ALOX5: variants seen among roughly 807,000 people sequenced by gnomAD.
The protein encoded by ALOX5 is arachidonate 5-lipoxygenase.
A neutral mutation model predicts 87.9 loss-of-function variants in ALOX5; 64 were observed. The ratio of observed to expected loss-of-function variants is 0.73; its 90% confidence interval spans 0.60 to 0.90. The LOEUF is 0.90. ALOX5 is among the 40% of genes least tolerant of loss of function. The pLI, the probability that ALOX5 is intolerant of heterozygous loss-of-function variation, is 0.00. For synonymous variants in ALOX5, 388 were observed against 355.1 expected (o/e 1.09, Z -1.04); for missense variants, 822 against 907.5 (o/e 0.91, Z 1.21).
Position 45,405,244 on chromosome 10 carries a change from G to A in ALOX5, c.432-6947G>A, listed in dbSNP as rs9282588. On this transcript the variant is annotated intron_variant, in intron 3 of 13. Transcript: ENST00000374391. ...GCATTTTTTCATCTTAAGAAATACC[G>A]ACAAAAATCCTTTCACAAAATTGTA... is the stretch of plus-strand genomic sequence containing the variant. Among the ~76,000 whole-genome samples, 529 of 152,212 alleles carry A rather than the reference G, an allele frequency of 3.5e-3. 2 individuals are homozygous for A. The highest frequency in any genetic ancestry group is 0.012 in the African/African-American group (510 of 41,524).
chr10:45,419,012 T>C (rs1841402009), intron 4 of ALOX5, among the ~76,000 whole-genome samples: 1 of 152,154 alleles, frequency 6.6e-6, no homozygotes, highest in African/African-American at 2.4e-5. Flanking sequence ...CGGGGGCAGC[T>C]CCGGGAAGGG....
At chr10:45,377,180 C>CA (rs1465773890) in intron 1 of ALOX5, among the ~76,000 whole-genome samples, 1 of 152,144 alleles carries the variant, frequency 6.6e-6, no homozygotes, top group African/African-American at 2.4e-5. Flanking sequence ...CTTCTTAAGT[C>CA]AGTGAGTATT....
intron 4 of ALOX5, among the ~76,000 whole-genome samples, chr10:45,415,158 C>CA (rs1841230264): frequency 6.6e-6 from 1 of 152,162 alleles, no homozygotes; most frequent in Non-Finnish European, 1.5e-5. Flanking sequence ...TGGCACTATT[C>CA]ACAATAGCAA....
rs369339657 is a variant in ALOX5, at chr10:45,443,787, T to C, written c.1633T>C (p.Phe545Leu). The change falls in exon 12 of 14, where the codon TTC becomes CTC. Residue 545 changes from phenylalanine to leucine, a missense_variant. Coordinates refer to ENST00000374391, the MANE Select transcript of ALOX5 (RefSeq NM_000698.5). ...QLSEYLTVVI[F>L]TASAQHAAVN... is the part of the protein sequence containing the mutation. ...GTCGGAGTACCTGACCGTGGTGATC[T>C]TCACCGCCTCCGCCCAGCACGCCGC... 9.9e-6 allele frequency: 16 copies of C among 1,611,888 alleles called. No homozygotes were observed. The highest frequency in any genetic ancestry group is 1.4e-5 in the Non-Finnish European group (16 of 1,179,232).
At chr10:45,405,465 C>A (rs1840845999) in intron 3 of ALOX5, among the ~76,000 whole-genome samples, 1 of 152,126 alleles carries the variant, frequency 6.6e-6, no homozygotes, top group Non-Finnish European at 1.5e-5. Flanking sequence ...ATTGTTCTTT[C>A]AATTATTAAT....
chr10:45,423,197 C>T (rs998135844), intron 4 of ALOX5, among the ~76,000 whole-genome samples: 1 of 152,246 alleles, frequency 6.6e-6, no homozygotes, highest in African/African-American at 2.4e-5. Context: ...AGGCCCAAGG[C>T]AAAGGCCTGA....
In ALOX5 at chr10:45,425,243, T is replaced by G. The variant is rs1841664410; in HGVS notation, c.834+111T>G. ...CCAAGACGCTAACTGCAGGCCCATC[T>G]GGCCTACAGCAGCCGCTTCCTTTTC... On this transcript the variant is annotated intron_variant, in intron 6 of 13. Transcript: ENST00000374391. This position sits in a 1 kb window ranked among gnomAD's most constrained non-coding sequence, Gnocchi z 4.4. 5 of 1,328,702 alleles carry G rather than the reference T, an allele frequency of 3.8e-6. No individual in the cohort carries two copies. Among genetic ancestry groups the G allele is most frequent in the Non-Finnish European group, 5.1e-6 (5 of 988,930 alleles). 82.3% of individuals were successfully genotyped at this position (1,328,702 alleles called of 1,614,324 possible).
intron 7 of ALOX5, among the ~76,000 whole-genome samples, chr10:45,432,886 G>A (rs148134554): frequency 3.8e-4 from 58 of 152,206 alleles, no homozygotes; most frequent in Non-Finnish European, 6.3e-4. Flanking sequence ...AGATTAGGGT[G>A]AGTAACCATA....
intron 4 of ALOX5, among the ~76,000 whole-genome samples, chr10:45,417,184 C>G (rs1476822480): frequency 6.6e-6 from 1 of 152,058 alleles, no homozygotes; most frequent in East Asian, 1.9e-4. Flanking sequence ...GTTTAATGAG[C>G]ACCTATCCTG....
rs76798749 is a variant in ALOX5, at chr10:45,434,938, G to A, written c.982-5492G>A. On this transcript the variant is annotated intron_variant, in intron 7 of 13. Coordinates refer to ENST00000374391, the MANE Select transcript of ALOX5 (RefSeq NM_000698.5). ...TCTCAGGCTCTCCTGTCATGACTCA[G>A]ATTTCTTTTTACGATAAGCACATAT... Among the ~76,000 whole-genome samples, 1,517 of 152,346 alleles carry A rather than the reference G, an allele frequency of 1.0e-2. 23 individuals are homozygous for A. Among genetic ancestry groups the A allele is most frequent in the East Asian group, 0.053 (274 of 5,192 alleles).
At chr10:45,420,345 T>G (rs549137374) in intron 4 of ALOX5, among the ~76,000 whole-genome samples, 23 of 152,322 alleles carry the variant, frequency 1.5e-4, no homozygotes, top group African/African-American at 5.5e-4. Context: ...GGTAGCATCA[T>G]GTTGTTAAAA....
chr10:45,375,791 G>A (rs1158408786), intron 1 of ALOX5, among the ~76,000 whole-genome samples: 1 of 152,246 alleles, frequency 6.6e-6, no homozygotes, highest in East Asian at 1.9e-4. Context: ...GAAGAGTTAG[G>A]TGTTGAGTAC....
At chr10:45,412,049 G>GT in intron 3 of ALOX5, 142 bp from the exon 4 acceptor site, 1 of 1,240,044 alleles carries the variant, frequency 8.1e-7, no homozygotes, top group Non-Finnish European at 1.1e-6. Flanking sequence ...TGGACACAGG[G>GT]TCAGCCTATG....
chr10:45,428,907 C>T (rs1191511819), intron 7 of ALOX5, 143 bp downstream of exon 7: 2 of 1,139,432 alleles, frequency 1.8e-6, no homozygotes, highest in Non-Finnish European at 2.4e-6. Context: ...GGTGGGCTGT[C>T]CATAGGGGCG....
chr10:45,408,582 G>T (rs1840960337), intron 3 of ALOX5, among the ~76,000 whole-genome samples: 1 of 152,052 alleles, frequency 6.6e-6, no homozygotes, highest in South Asian at 2.1e-4. Flanking sequence ...TAAAGAGTCT[G>T]TTCTAATGGG....
At chr10:45,391,920 C>G (rs866822753) in intron 2 of ALOX5, among the ~76,000 whole-genome samples, 7 of 115,814 alleles carry the variant, frequency 6.0e-5, no homozygotes, top group African/African-American at 1.7e-4. Context: ...CCCCTCCGCC[C>G]GGCAGCCGCC....
At chr10:45,394,303 C>T (rs1840415925) in intron 2 of ALOX5, among the ~76,000 whole-genome samples, 1 of 152,190 alleles carries the variant, frequency 6.6e-6, no homozygotes, top group Admixed American at 6.5e-5. Context: ...TGACACCACA[C>T]ATCTACAACC....
chr10:45,419,311 G>A (rs1462819192), intron 4 of ALOX5, among the ~76,000 whole-genome samples: 1 of 152,238 alleles, frequency 6.6e-6, no homozygotes, highest in Non-Finnish European at 1.5e-5. Context: ...CGGCCGGGGG[G>A]GTCATTTACA....
At chr10:45,426,457 C>T (rs900161968) in intron 6 of ALOX5, among the ~76,000 whole-genome samples, 6 of 152,240 alleles carry the variant, frequency 3.9e-5, no homozygotes, top group Non-Finnish European at 5.9e-5. Flanking sequence ...CAGTCATTCA[C>T]GCTGCCCATC....
Sources: gnomAD v4.1 joint callset for allele counts (sites outside exome capture counted in the v4.1 genomes callset) on GRCh38, gnomAD v4.1.1 for gene constraint, Gnocchi (gnomAD v3.1) non-coding constraint, MANE v1.5 for transcripts, NCBI Gene and HGNC (gene_info 2026-07-23, HGNC 2026-07-21) for gene names.